Variants in SRD5A2 observed in about 807,000 individuals in gnomAD.
The protein encoded by SRD5A2 is 3-oxo-5-alpha-steroid 4-dehydrogenase 2.
SRD5A2 carries 30 observed loss-of-function variants against 27.4 expected under a neutral mutation model. The observed-to-expected ratio is 1.10, with a 90% CI of 0.82 to 1.49. SRD5A2 has a LOEUF of 1.49. Among genes scored for constraint, SRD5A2 ranks in the 40% most tolerant of loss-of-function variants. The pLI, the probability that SRD5A2 is intolerant of heterozygous loss-of-function variation, is 0.00. For synonymous variants in SRD5A2, 141 were observed against 133.6 expected (o/e 1.06, Z -0.38); for missense variants, 348 against 323.4 (o/e 1.08, Z -0.58).
the SRD5A2 span, among the ~76,000 whole-genome samples, chr2:31,653,360 A>T: frequency 5.9e-5 from 9 of 152,290 alleles, no homozygotes; most frequent in East Asian, 1.5e-3. Context: ...AGGACTGCTC[A>T]TTTACACCTT....
At chr2:31,594,227 C>A in the SRD5A2 span, among the ~76,000 whole-genome samples, 1 of 152,076 alleles carries the variant, frequency 6.6e-6, no homozygotes, top group South Asian at 2.1e-4. Context: ...GCAAAGTGGT[C>A]TAAATGTTCC....
the SRD5A2 span, among the ~76,000 whole-genome samples, chr2:31,641,756 A>G: frequency 7.4e-4 from 113 of 152,192 alleles, no homozygotes; most frequent in Non-Finnish European, 1.3e-3. Flanking sequence ...GTTTGGACAG[A>G]ATTCAAGATC....
chr2:31,637,631 C>A, the SRD5A2 span, among the ~76,000 whole-genome samples: 1 of 151,912 alleles, frequency 6.6e-6, no homozygotes, highest in African/African-American at 2.4e-5. Context: ...TATGGGATAT[C>A]CCTAATCTGT....
At chr2:31,573,606 C>T (rs1411713328) in intron 1 of SRD5A2, among the ~76,000 whole-genome samples, 1 of 152,212 alleles carries the variant, frequency 6.6e-6, no homozygotes, top group African/African-American at 2.4e-5. Context: ...CCCCCTACAG[C>T]TGGCTGAGGG....
upstream of SRD5A2, chr2:31,581,023 A>T: frequency 9.2e-7 from 1 of 1,091,500 alleles, no homozygotes; most frequent in Non-Finnish European, 1.3e-6. Flanking sequence ...CCGCCCCTCC[A>T]TCCTGCCTCC....
the SRD5A2 span, among the ~76,000 whole-genome samples, chr2:31,624,281 T>TACA: frequency 6.6e-6 from 1 of 152,230 alleles, no homozygotes; most frequent in East Asian, 1.9e-4. Context: ...TAAATTATTG[T>TACA]TGACTACACT....
At chr2:31,660,133 A>T in the SRD5A2 span, among the ~76,000 whole-genome samples, 3 of 152,098 alleles carry the variant, frequency 2.0e-5, no homozygotes, top group Non-Finnish European at 1.5e-5. Flanking sequence ...ATAATTTTTT[A>T]AAGTGGTCAT....
At chr2:31,660,456 GTTA>G in the SRD5A2 span, among the ~76,000 whole-genome samples, 1 of 152,082 alleles carries the variant, frequency 6.6e-6, no homozygotes, top group African/African-American at 2.4e-5. Context: ...ATACACACAT[GTTA>G]TTATACATTT....
At chr2:31,659,210 C>A in the SRD5A2 span, among the ~76,000 whole-genome samples, 6 of 152,076 alleles carry the variant, frequency 3.9e-5, no homozygotes, top group Non-Finnish European at 8.8e-5. Flanking sequence ...CTATGATAAA[C>A]CCACAGCCAA....
chr2:31,533,462 G>T, intron 2 of SRD5A2, 141 bp downstream of exon 2: 1 of 696,824 alleles, frequency 1.4e-6, no homozygotes, highest in Non-Finnish European at 2.4e-6. Flanking sequence ...CTACCATATA[G>T]AGAAAAGATC....
At chr2:31,591,853 C>T in the SRD5A2 span, among the ~76,000 whole-genome samples, 55 of 127,800 alleles carry the variant, frequency 4.3e-4, no homozygotes, top group African/African-American at 1.5e-3. Flanking sequence ...AACCAAACAC[C>T]GCATGTTTTC....
rs184412777 is a variant in SRD5A2 at position 31,529,637 on chromosome 2, C to G, written c.548-180G>C. Among the ~76,000 whole-genome samples, 10 of 152,344 alleles carry G rather than the reference C, an allele frequency of 6.6e-5. No individual in the cohort carries two copies. In the East Asian group the frequency reaches 1.9e-3, roughly 29 times the overall value. On this transcript the variant is annotated intron_variant, in intron 3 of 4. Coordinates refer to ENST00000622030, the MANE Select transcript of SRD5A2 (RefSeq NM_000348.4). ...GGGAGAAGGGGAAACAAAGCAACAA[C>G]AGCCTGTTGCCTGGAGAACATTCTG...
chr2:31,571,608 T>C (rs1159457251), intron 1 of SRD5A2, among the ~76,000 whole-genome samples: 1 of 152,180 alleles, frequency 6.6e-6, no homozygotes, highest in Non-Finnish European at 1.5e-5. Flanking sequence ...AAAAAATATC[T>C]GCAAACTGTG....
chr2:31,592,382 T>C, the SRD5A2 span, among the ~76,000 whole-genome samples: 1 of 152,172 alleles, frequency 6.6e-6, no homozygotes, highest in Non-Finnish European at 1.5e-5. Flanking sequence ...ACTGCTAGCA[T>C]AACCAGCATT....
At chr2:31,624,627 G>A in the SRD5A2 span, among the ~76,000 whole-genome samples, 12 of 151,960 alleles carry the variant, frequency 7.9e-5, no homozygotes, top group African/African-American at 1.5e-4. Context: ...CTGTCCTTGC[G>A]ATAGTTTGCT....
At chr2:31,533,846 A>G in intron 1 of SRD5A2, 80 bp from the exon 2 acceptor site, 2 of 1,456,746 alleles carry the variant, frequency 1.4e-6, no homozygotes, top group Non-Finnish European at 1.8e-6. Context: ...TCTTAAGCTC[A>G]CACCAGAAGG....
At chr2:31,583,059 C>T (rs955888317), upstream of SRD5A2, among the ~76,000 whole-genome samples, 3 of 152,204 alleles carry the variant, frequency 2.0e-5, no homozygotes, top group Non-Finnish European at 2.9e-5. Context: ...TCATCTTCAG[C>T]TTATGCATCT....
chr2:31,646,651 A>G, the SRD5A2 span, among the ~76,000 whole-genome samples: 1 of 152,146 alleles, frequency 6.6e-6, no homozygotes, highest in African/African-American at 2.4e-5. Flanking sequence ...GAGGAAGAAG[A>G]AGAGAACAAA....
At chr2:31,597,513 C>T in the SRD5A2 span, among the ~76,000 whole-genome samples, 24 of 151,990 alleles carry the variant, frequency 1.6e-4, no homozygotes, top group Non-Finnish European at 3.1e-4. Context: ...GCAGAGTAAA[C>T]AGGCAATGCA....
Sources: gnomAD v4.1 joint callset for allele counts (sites outside exome capture counted in the v4.1 genomes callset) on GRCh38, gnomAD v4.1.1 for gene constraint, MANE v1.5 for transcripts, NCBI Gene and HGNC (gene_info 2026-07-23, HGNC 2026-07-21) for gene names.